DCP1B: variants seen among roughly 807,000 people sequenced by gnomAD.
DCP1B encodes mRNA-decapping enzyme 1B.
In DCP1B, 47 loss-of-function variants were observed where a neutral mutation model predicts 60.5. The ratio of observed to expected loss-of-function variants is 0.78; its 90% CI spans 0.61 to 0.99. The LOEUF (loss-of-function observed/expected upper bound fraction) is 0.99. Ranked by LOEUF, DCP1B falls within the 50% of genes least tolerant of loss-of-function variation. DCP1B has a pLI of 0.00. For missense variants in DCP1B, 725 were observed against 756.8 expected, an observed-to-expected ratio of 0.96 and a Z score of 0.49; for synonymous variants, 267 against 280.3, an observed-to-expected ratio of 0.95 and a Z score of 0.47.
chr12:1,991,233 C>CT (rs1378946310), intron 3 of DCP1B: 17 of 455,928 alleles, frequency 3.7e-5, no homozygotes, highest in African/African-American at 3.2e-4. Flanking sequence ...TCACTGGAGT[C>CT]TCAGTTTCCT....
chr12:1,985,360 A>G (rs1207778796), intron 3 of DCP1B, among the ~76,000 whole-genome samples: 1 of 152,176 alleles, frequency 6.6e-6, no homozygotes, highest in African/African-American at 2.4e-5. Context: ...CTATGAGTTC[A>G]CTAACTCTTC....
At chr12:2,003,734 C>A (rs1413808051) in intron 1 of DCP1B, among the ~76,000 whole-genome samples, 1 of 152,160 alleles carries the variant, frequency 6.6e-6, no homozygotes, top group African/African-American at 2.4e-5. Flanking sequence ...TTAGACCCTG[C>A]CCCATTTTGT....
At chr12:1,952,387 G>GTT in intron 7 of DCP1B, 29 bp downstream of exon 7, 3 of 1,521,802 alleles carry the variant, frequency 2.0e-6, no homozygotes, top group Non-Finnish European at 2.6e-6. Context: ...TGCCCAGGCT[G>GTT]TTTTATTTTG....
At chr12:1,950,306 C>A in intron 7 of DCP1B, 1 of 702,314 alleles carries the variant, frequency 1.4e-6, no homozygotes, top group South Asian at 1.5e-5. Context: ...GAGGTGGAGT[C>A]AAGCATTCTG....
chr12:1,959,734 C>T lies in DCP1B; in HGVS notation c.523-4174G>A, dbSNP rs1015187273. Among the ~76,000 whole-genome samples the T allele has an allele frequency of 9.9e-5, 15 of 152,124 alleles. 2 individuals are homozygous for T. The highest frequency in any genetic ancestry group is 5.2e-4 in the Admixed American group (8 of 15,274). ...CAGCACTTTGTGAGGCTGAGGCGGGCGGATCACGAGGTCAGCAGATCGAGA... is the reference window on the plus strand; with the variant it reads ...CAGCACTTTGTGAGGCTGAGGCGGGTGGATCACGAGGTCAGCAGATCGAGA... On this transcript the variant is annotated intron_variant, in intron 5 of 8. Transcript: ENST00000280665.
intron 3 of DCP1B, among the ~76,000 whole-genome samples, chr12:1,973,415 A>AC (rs1490313916): frequency 2.0e-5 from 3 of 151,984 alleles, no homozygotes; most frequent in Admixed American, 6.6e-5. Flanking sequence ...AACAAACAAA[A>AC]CTCTCTGAAT....
At chr12:1,961,311 G>A (rs1478661834) in intron 5 of DCP1B, 1 of 152,188 alleles carries the variant, frequency 6.6e-6, no homozygotes, top group Non-Finnish European at 1.5e-5. Flanking sequence ...TTCCTGTACT[G>A]GGCAATGACA....
chr12:1,963,051 T>TA (rs2031178617), intron 5 of DCP1B, among the ~76,000 whole-genome samples: 1 of 152,206 alleles, frequency 6.6e-6, no homozygotes, highest in South Asian at 2.1e-4. Context: ...ACTAAAAAGT[T>TA]AGAGCTCAAG....
chr12:1,969,960 C>G (rs2154457449), intron 3 of DCP1B, among the ~76,000 whole-genome samples: 1 of 152,224 alleles, frequency 6.6e-6, no homozygotes, highest in South Asian at 2.1e-4. Context: ...AAAAACAGAG[C>G]ATAACTCAGA....
At chr12:1,949,604 A>G (rs1261048143) in intron 7 of DCP1B, among the ~76,000 whole-genome samples, 1 of 152,316 alleles carries the variant, frequency 6.6e-6, no homozygotes, top group East Asian at 1.9e-4. Flanking sequence ...TCAGGCTACC[A>G]GTATTTGGCA....
At chr12:1,977,255 T>C (rs2034676630) in intron 3 of DCP1B, among the ~76,000 whole-genome samples, 1 of 152,136 alleles carries the variant, frequency 6.6e-6, no homozygotes, top group Non-Finnish European at 1.5e-5. Flanking sequence ...ACAGATCTGT[T>C]AGCATGCTCG....
intron 5 of DCP1B, among the ~76,000 whole-genome samples, chr12:1,956,891 G>C (rs1017202092): frequency 6.6e-6 from 1 of 152,190 alleles, no homozygotes; most frequent in African/African-American, 2.4e-5. Context: ...TTCCGGCAAA[G>C]AAAGGCAGAT....
chr12:1,962,749 A>C lies in DCP1B; in HGVS notation c.522+2809T>G, dbSNP rs539322463. On this transcript the variant is annotated intron_variant, in intron 5 of 8. Coordinates refer to ENST00000280665, the MANE Select transcript of DCP1B (RefSeq NM_152640.5). This position sits in a 1 kb window ranked among gnomAD's most constrained non-coding sequence, Gnocchi z 4.4. ...GTCCAGGCCATACAATAGAAGGATA[A>C]TTAAACTGTGGCTCATTCACATTCA... Among the ~76,000 whole-genome samples, 1 of 152,332 alleles carries C rather than the reference A, an allele frequency of 6.6e-6. No individual in the cohort carries two copies. The highest frequency in any genetic ancestry group is 2.4e-5 in the African/African-American group (1 of 41,574).
At chr12:1,986,097 G>A (rs889770011) in intron 3 of DCP1B, among the ~76,000 whole-genome samples, 2 of 152,260 alleles carry the variant, frequency 1.3e-5, no homozygotes, top group Non-Finnish European at 2.9e-5. Context: ...ACAGGCGTGA[G>A]CCACTGCGCC....
chr12:1,991,257 G>A, intron 3 of DCP1B: 1 of 455,132 alleles, frequency 2.2e-6, no homozygotes, highest in Non-Finnish European at 4.4e-6. Flanking sequence ...CTGCAAAATG[G>A]CAATGAAAAT....
chr12:1,973,922 C>T (rs1156603475), intron 3 of DCP1B, among the ~76,000 whole-genome samples: 1 of 152,148 alleles, frequency 6.6e-6, no homozygotes, highest in East Asian at 1.9e-4. Context: ...TCTACTCGTC[C>T]TTGAAGACCC....
intron 7 of DCP1B, chr12:1,949,917 C>T (rs2030599308): frequency 1.6e-5 from 3 of 193,120 alleles, no homozygotes; most frequent in East Asian, 1.2e-4. Context: ...TGGGCTGACC[C>T]GGGCGGCCTG....
chr12:1,984,235 C>T (rs1467080193), intron 3 of DCP1B, among the ~76,000 whole-genome samples: 1 of 151,950 alleles, frequency 6.6e-6, no homozygotes, highest in East Asian at 1.9e-4. Flanking sequence ...ACGTAACTAC[C>T]GATATGGTTG....
At chr12:1,966,675 A>G (rs2031305929) in intron 4 of DCP1B, among the ~76,000 whole-genome samples, 1 of 152,094 alleles carries the variant, frequency 6.6e-6, no homozygotes, top group Non-Finnish European at 1.5e-5. Flanking sequence ...TTTAATCTGT[A>G]TGAAATCCTG....
Sources: allele counts gnomAD v4.1 joint callset (sites outside exome capture counted in the v4.1 genomes callset), GRCh38; gene constraint gnomAD v4.1.1; non-coding constraint Gnocchi (gnomAD v3.1); transcripts MANE v1.5; gene names NCBI Gene and HGNC (gene_info 2026-07-23, HGNC 2026-07-21).